The following LIMCH1 variants were observed in gnomAD, a reference collection of about 807,000 sequenced individuals.
LIMCH1 encodes LIM and calponin homology domains-containing protein 1.
Under a neutral mutation model 176.5 loss-of-function variants are expected in LIMCH1, and 113 were observed. The ratio of observed to expected loss-of-function variants is 0.64; its 90% CI spans 0.55 to 0.75. LIMCH1 has a LOEUF of 0.75. Ranked by LOEUF, LIMCH1 falls within the 30% of genes least tolerant of loss-of-function variation. The pLI is 0.00. For missense variants in LIMCH1, 1,674 were observed against 1,814.9 expected (o/e 0.92, Z 1.41); for synonymous variants, 619 against 645.9 (o/e 0.96, Z 0.63).
chr4:41,417,156 A>G (rs1288131737), intron 1 of LIMCH1, among the ~76,000 whole-genome samples: 1 of 100,216 alleles, frequency 1.0e-5, no homozygotes, highest in Non-Finnish European at 1.9e-5. Flanking sequence ...TCTATGCTAT[A>G]GGCATTGTTT....
intron 1 of LIMCH1, among the ~76,000 whole-genome samples, chr4:41,575,759 A>G (rs1310721607): frequency 3.3e-5 from 5 of 152,120 alleles, no homozygotes; most frequent in African/African-American, 1.2e-4. Flanking sequence ...TGGTGGTAGT[A>G]GATATTTGCC....
intron 1 of LIMCH1, among the ~76,000 whole-genome samples, chr4:41,563,854 C>T (rs2082373622): frequency 6.6e-6 from 1 of 152,190 alleles, no homozygotes; most frequent in African/African-American, 2.4e-5. Flanking sequence ...TTGCCTACTT[C>T]TTCATTCTTG....
chr4:41,605,939 A>C lies in LIMCH1; in HGVS notation c.-57A>C. 6.2e-7 allele frequency: 1 copy of C among 1,613,872 alleles called. No homozygotes were observed. Among genetic ancestry groups the C allele is most frequent in the Middle Eastern group, 1.7e-4 (1 of 6,058 alleles). Reference sequence around the variant, plus strand: ...GCTGGGAAAAGCAGCAAACAGCTGCACATCCTACAGCGGAACGACACTAAA... The same window carrying C: ...GCTGGGAAAAGCAGCAAACAGCTGCCCATCCTACAGCGGAACGACACTAAA... On this transcript the variant is annotated 5_prime_UTR_variant, in exon 4 of 32. Coordinates refer to ENST00000503057, the MANE Select transcript of LIMCH1 (RefSeq NM_001330672.2).
chr4:41,683,934 T>A (rs2153055870), intron 26 of LIMCH1, among the ~76,000 whole-genome samples: 1 of 152,350 alleles, frequency 6.6e-6, no homozygotes, highest in African/African-American at 2.4e-5. Flanking sequence ...CAGACAGGCA[T>A]TTTACATGAA....
At chr4:41,532,963 G>T (rs1474645525) in intron 3 of LIMCH1, among the ~76,000 whole-genome samples, 1 of 152,142 alleles carries the variant, frequency 6.6e-6, no homozygotes, top group Non-Finnish European at 1.5e-5. Flanking sequence ...TGCATTCAAG[G>T]TGTTGGTCAG....
At chr4:41,578,372 C>T (rs2084851873) in intron 1 of LIMCH1, among the ~76,000 whole-genome samples, 1 of 152,094 alleles carries the variant, frequency 6.6e-6, no homozygotes, top group South Asian at 2.1e-4. Context: ...TCACCTGGAC[C>T]CTCCCTTGAC....
intron 1 of LIMCH1, among the ~76,000 whole-genome samples, chr4:41,456,794 G>A (rs2064661630): frequency 1.3e-5 from 2 of 152,214 alleles, no homozygotes; most frequent in Non-Finnish European, 2.9e-5. Flanking sequence ...GAGGTTTGGG[G>A]CTGGAATCAT....
chr4:41,633,389 A>G (rs2093426383), intron 12 of LIMCH1, among the ~76,000 whole-genome samples, 159 bp from the exon 13 acceptor site: 1 of 152,238 alleles, frequency 6.6e-6, no homozygotes, highest in South Asian at 2.1e-4. Flanking sequence ...AGAGGGTCCC[A>G]GTACTCAAAA....
intron 5 of LIMCH1, among the ~76,000 whole-genome samples, chr4:41,618,689 G>A (rs1337013453): frequency 6.6e-6 from 1 of 152,172 alleles, no homozygotes; most frequent in Non-Finnish European, 1.5e-5. Context: ...CTGAGTTTCT[G>A]TTGTTCTACA....
At chr4:41,408,807 T>C (rs1377250811) in intron 1 of LIMCH1, among the ~76,000 whole-genome samples, 2 of 152,214 alleles carry the variant, frequency 1.3e-5, no homozygotes, top group African/African-American at 4.8e-5. Context: ...AGTTGGATTG[T>C]ATTGAGGGTA....
At chr4:41,565,910 A>G (rs941292416) in intron 1 of LIMCH1, among the ~76,000 whole-genome samples, 7 of 152,222 alleles carry the variant, frequency 4.6e-5, no homozygotes, top group Non-Finnish European at 8.8e-5. Context: ...TTGGGGATAC[A>G]GACTGTGTAC....
At chr4:41,540,172 C>T (rs563971544) in intron 1 of LIMCH1, among the ~76,000 whole-genome samples, 12 of 152,076 alleles carry the variant, frequency 7.9e-5, no homozygotes, top group Non-Finnish European at 1.8e-4. Context: ...ATAGTAACTA[C>T]CTTATGTGGT....
chr4:41,433,410 C>T (rs76499832), intron 1 of LIMCH1, among the ~76,000 whole-genome samples: 4,028 of 152,238 alleles, frequency 0.026, 87 homozygotes, highest in Middle Eastern at 0.051. Flanking sequence ...AAAATAACAA[C>T]AATTTATTGT....
chr4:41,670,714 C>CTCTA (rs1168451936), intron 21 of LIMCH1: 2 of 1,533,550 alleles, frequency 1.3e-6, no homozygotes, highest in Non-Finnish European at 8.7e-7. Context: ...GCCATCTGAT[C>CTCTA]TAGAGTCGCC....
intron 2 of LIMCH1, among the ~76,000 whole-genome samples, chr4:41,502,580 C>G (rs1484718804): frequency 6.6e-6 from 1 of 152,188 alleles, no homozygotes; most frequent in African/African-American, 2.4e-5. Flanking sequence ...TATTGTTTGA[C>G]TTTTTAATAA....
intron 1 of LIMCH1, among the ~76,000 whole-genome samples, chr4:41,482,282 G>A (rs1199082068): frequency 1.3e-5 from 2 of 152,328 alleles, no homozygotes; most frequent in African/African-American, 2.4e-5. Context: ...TCTGTGAGCT[G>A]TAGAGAGCCA....
At chr4:41,651,881 G>A (rs1371293) in intron 18 of LIMCH1, among the ~76,000 whole-genome samples, 64,581 of 151,988 alleles carry the variant, frequency 0.42, 14,586 homozygotes, top group African/African-American at 0.56. Flanking sequence ...TGGGAAAATT[G>A]CACTTTCTTC....
chr4:41,483,770 C>T (rs1221041962), intron 1 of LIMCH1, among the ~76,000 whole-genome samples: 2 of 152,206 alleles, frequency 1.3e-5, no homozygotes, highest in African/African-American at 4.8e-5. Context: ...GAAATTCCTT[C>T]TTATCTCAGG....
chr4:41,515,379 G>A (rs956510727), intron 2 of LIMCH1, among the ~76,000 whole-genome samples: 4 of 152,200 alleles, frequency 2.6e-5, no homozygotes, highest in Non-Finnish European at 5.9e-5. Flanking sequence ...GCATTGTCTC[G>A]TTCCCTCACT....
Sources: allele counts gnomAD v4.1 joint callset (sites outside exome capture counted in the v4.1 genomes callset), GRCh38; gene constraint gnomAD v4.1.1; transcripts MANE v1.5; gene names NCBI Gene and HGNC (gene_info 2026-07-23, HGNC 2026-07-21).